The following DNAH14 variants were observed in gnomAD, a reference collection of about 807,000 sequenced individuals.
The protein encoded by DNAH14 is dynein axonemal heavy chain 14.
In DNAH14, 478 loss-of-function variants were observed where a neutral mutation model predicts 520.9. That is an observed-to-expected ratio of 0.92 (90% CI 0.85 to 0.99). The LOEUF is 0.99. DNAH14 is among the 50% of genes least tolerant of loss of function. The pLI, the probability that DNAH14 is intolerant of heterozygous loss-of-function variation, is 0.00. For missense variants in DNAH14, 4,831 were observed against 5,234.5 expected, an observed-to-expected ratio of 0.92 and a Z score of 2.38; for synonymous variants, 1,581 against 1,757.2, an observed-to-expected ratio of 0.90 and a Z score of 2.51.
chr1:225,374,932 A>C, intron 78 of DNAH14, 47 bp downstream of exon 78: 1 of 1,453,276 alleles, frequency 6.9e-7, no homozygotes, highest in Non-Finnish European at 9.2e-7. Context: ...ATTTTAAAGT[A>C]AACATTGTTG....
chr1:225,229,721 G>C (rs970340626), intron 41 of DNAH14, among the ~76,000 whole-genome samples: 2 of 151,408 alleles, frequency 1.3e-5, no homozygotes, highest in African/African-American at 4.9e-5. Flanking sequence ...TGAACAATGA[G>C]AACATATGGG....
chr1:225,117,737 T>C lies in DNAH14; in HGVS notation c.3921T>C (p.Asn1307=). 2.6e-6 allele frequency: 4 copies of C among 1,550,894 alleles called. No homozygotes were observed. The highest frequency in any genetic ancestry group is 3.5e-6 in the Non-Finnish European group (4 of 1,146,872). Residue 1307 remains asparagine, a synonymous_variant, in exon 24 of 86, where the codon AAT becomes AAC. Coordinates refer to ENST00000682510, the MANE Select transcript of DNAH14 (RefSeq NM_001367479.1). The stretch of plus-strand genomic sequence containing the variant: ...TCCCAAGATTTTACTTTCTTAGCAA[T>C]GCCGAGCTTCTTGATATTCTAGCTG... ...LIFPRFYFLS[N]AELLDILADS...
At chr1:225,335,326 T>C (rs556758649) in intron 66 of DNAH14, among the ~76,000 whole-genome samples, 1,546 of 106,860 alleles carry the variant, frequency 0.014, 242 homozygotes, top group East Asian at 0.036. Flanking sequence ...TATGCACATA[T>C]ACACGTGTGT....
intron 64 of DNAH14, 83 bp from the exon 65 acceptor site, chr1:225,331,354 A>G (rs2094793716): frequency 7.4e-7 from 1 of 1,344,616 alleles, no homozygotes; most frequent in Non-Finnish European, 1.0e-6. Context: ...TGGTAACACT[A>G]TATTTATATA....
chr1:225,192,585 T>G (rs1474192992), intron 37 of DNAH14, 111 bp from the exon 38 acceptor site: 2 of 672,532 alleles, frequency 3.0e-6, no homozygotes, highest in East Asian at 5.6e-5. Flanking sequence ...TATAAAATCT[T>G]TTTTTGGTGT....
chr1:225,185,209 A>G, intron 36 of DNAH14, 82 bp from the exon 37 acceptor site: 1 of 1,387,888 alleles, frequency 7.2e-7, no homozygotes, highest in Non-Finnish European at 9.5e-7. Context: ...CAAAAAATAA[A>G]ATAGTCAATG....
At chr1:224,975,926 T>G (rs1462132811) in intron 8 of DNAH14, among the ~76,000 whole-genome samples, 2 of 152,060 alleles carry the variant, frequency 1.3e-5, no homozygotes, top group Non-Finnish European at 2.9e-5. Context: ...GTATGTTGTG[T>G]CTTTGTTCTC....
rs1183294540 is a variant in DNAH14, at chr1:225,374,259, TATATATA to T, written c.12319-428_12319-422del. On this transcript the variant is annotated intron_variant, in intron 77 of 85. Coordinates refer to ENST00000682510, the MANE Select transcript of DNAH14 (RefSeq NM_001367479.1). ...ATATATATATTTGTCTATATATATATATATATATATATTTTTTTTTGAGATAGAGTCT... is the reference window on the plus strand; with the variant it reads ...ATATATATATTTGTCTATATATATATTATATTTTTTTTTGAGATAGAGTCT... Among the ~76,000 whole-genome samples the T allele has an allele frequency of 6.0e-3, 619 of 103,970 alleles. 18 individuals carry two copies. The highest frequency in any genetic ancestry group is 0.019 in the African/African-American group (555 of 28,692). 68.2% of individuals were successfully genotyped at this position (103,970 alleles called of 152,430 possible).
rs2072817835 is a variant in DNAH14 at position 225,079,311 on chromosome 1, A to G, written c.2529A>G (p.Lys843=). ...ATGCAATTTCCTCAAAAATATCTAA[A>G]TTAGAAAAAGAGTTCTTAACAATGT... is the stretch of plus-strand genomic sequence containing the variant. ...FLNAISSKIS[K]LEKEFLTMSQ... The change falls in exon 18 of 86, where the codon AAA becomes AAG. Residue 843 remains lysine (K), a synonymous_variant. Coordinates refer to ENST00000682510, the MANE Select transcript of DNAH14 (RefSeq NM_001367479.1). 4.5e-6 allele frequency: 7 copies of G among 1,549,920 alleles called. No individual in the cohort carries two copies. The highest frequency in any genetic ancestry group is 6.1e-6 in the Non-Finnish European group (7 of 1,146,642).
At chr1:225,392,229 TA>T (rs1323540455) in intron 83 of DNAH14, 61 bp from the exon 84 acceptor site, 1 of 1,525,442 alleles carries the variant, frequency 6.6e-7, no homozygotes, top group Non-Finnish European at 8.8e-7. Context: ...TCATTGTTGC[TA>T]ACCCCAGCAG....
At chr1:225,207,267 C>A in intron 41 of DNAH14, 47 bp downstream of exon 41, 1 of 1,419,964 alleles carries the variant, frequency 7.0e-7, no homozygotes, top group Non-Finnish European at 9.2e-7. Flanking sequence ...CTTAGCTAGT[C>A]AATGCTAATT....
At chr1:225,116,277 G>A (rs1438320106) in intron 23 of DNAH14, among the ~76,000 whole-genome samples, 1 of 152,102 alleles carries the variant, frequency 6.6e-6, no homozygotes, top group Non-Finnish European at 1.5e-5. Flanking sequence ...AGCCACTGAA[G>A]GATTTTAAAT....
At chr1:225,179,154 A>G (rs927001350) in intron 36 of DNAH14, among the ~76,000 whole-genome samples, 1 of 152,028 alleles carries the variant, frequency 6.6e-6, no homozygotes, top group African/African-American at 2.4e-5. Flanking sequence ...ATTGCAGTCA[A>G]TCTCTCCCTT....
intron 71 of DNAH14, among the ~76,000 whole-genome samples, chr1:225,347,942 AAAAT>A (rs1006861987): frequency 4.6e-5 from 7 of 152,162 alleles, no homozygotes; most frequent in African/African-American, 1.4e-4. Flanking sequence ...TCAATGAGCT[AAAAT>A]AAATAAATAA....
At chr1:225,377,558 G>C in intron 79 of DNAH14, 122 bp downstream of exon 79, 8 of 929,300 alleles carry the variant, frequency 8.6e-6, no homozygotes, top group Non-Finnish European at 1.3e-5. Flanking sequence ...TCAGGAGTTC[G>C]AGACCACTCT....
chr1:225,228,743 G>A (rs753013135), intron 41 of DNAH14, among the ~76,000 whole-genome samples: 23 of 152,176 alleles, frequency 1.5e-4, no homozygotes, highest in Admixed American at 8.5e-4. Context: ...GTTGCTGCAT[G>A]CGTCTGTACT....
At chr1:225,293,985 A>G (rs1284443349) in intron 55 of DNAH14, among the ~76,000 whole-genome samples, 1 of 151,990 alleles carries the variant, frequency 6.6e-6, no homozygotes, top group East Asian at 1.9e-4. Context: ...GTTGAATAAG[A>G]GTGGTGATAG....
chr1:225,131,885 G>A (rs2078459143), intron 27 of DNAH14, among the ~76,000 whole-genome samples: 2 of 152,066 alleles, frequency 1.3e-5, no homozygotes, highest in East Asian at 1.9e-4. Flanking sequence ...GAGGGACAAG[G>A]AAAGACTCCA....
At chr1:225,229,929 G>T (rs1052280736) in intron 41 of DNAH14, among the ~76,000 whole-genome samples, 2 of 151,986 alleles carry the variant, frequency 1.3e-5, no homozygotes. Context: ...AAATAAAAAT[G>T]TATATATTTT....
Sources: allele counts gnomAD v4.1 joint callset (sites outside exome capture counted in the v4.1 genomes callset), GRCh38; gene constraint gnomAD v4.1.1; transcripts MANE v1.5; gene names NCBI Gene and HGNC (gene_info 2026-07-23, HGNC 2026-07-21).